The following PDS5B variants were observed in gnomAD, a reference collection of about 807,000 sequenced individuals.
The protein encoded by PDS5B is PDS5 cohesin associated factor B.
PDS5B carries 51 observed loss-of-function variants against 184.1 expected under a neutral mutation model. That is an observed-to-expected ratio of 0.28 (90% confidence interval 0.22 to 0.35). The LOEUF (loss-of-function observed/expected upper bound fraction) is 0.35, where lower values mean the gene tolerates loss of function less well. Ranked by LOEUF, PDS5B falls within the 10% of genes least tolerant of loss-of-function variation. PDS5B has a pLI of 1.00. For missense variants in PDS5B, 1,180 were observed against 1,723.3 expected, an observed-to-expected ratio of 0.68 and a Z score of 5.58; for synonymous variants, 566 against 569.2, an observed-to-expected ratio of 0.99 and a Z score of 0.08.
chr13:32,702,331 G>T lies in PDS5B; in HGVS notation c.1856+893G>T, dbSNP rs115966173. 6.2e-3 allele frequency among the ~76,000 whole-genome samples: 950 copies of T among 152,172 alleles called. 6 individuals are homozygous for T. The highest frequency in any genetic ancestry group is 0.022 in the African/African-American group (913 of 41,530). ...TTTCATTTGAAGAGGTAGTTCTGAGGTTTAAAAAGCAAGACAAGAAGTAGA... is the reference window on the plus strand; with the variant it reads ...TTTCATTTGAAGAGGTAGTTCTGAGTTTTAAAAAGCAAGACAAGAAGTAGA... On this transcript the variant is annotated intron_variant, in intron 17 of 34. Transcript: ENST00000315596.
At chr13:32,620,656 C>CAAAAA (rs376008300) in intron 1 of PDS5B, among the ~76,000 whole-genome samples, 1 of 92,370 alleles carries the variant, frequency 1.1e-5, no homozygotes, top group Non-Finnish European at 2.1e-5. Context: ...GACTCCGTCT[C>CAAAAA]AAAAAAAAAA....
At chr13:32,649,228 A>C in intron 2 of PDS5B, 1 of 177,926 alleles carries the variant, frequency 5.6e-6, no homozygotes. Context: ...TTAGGTCTTT[A>C]TACTGAGTAA....
At chr13:32,626,802 T>C (rs2140556449) in intron 1 of PDS5B, among the ~76,000 whole-genome samples, 1 of 152,374 alleles carries the variant, frequency 6.6e-6, no homozygotes, top group Admixed American at 6.5e-5. Flanking sequence ...AGTTCTGTTT[T>C]AGTTAGATAC....
At position 32,673,200 on chromosome 13, in the gene PDS5B, T is replaced by A; in HGVS notation, c.706-16T>A. 1 of 1,606,170 alleles carries A rather than the reference T, an allele frequency of 6.2e-7. No homozygotes were observed. Among genetic ancestry groups the A allele is most frequent in the Non-Finnish European group, 8.5e-7 (1 of 1,176,708 alleles). On this transcript the variant is annotated splice_polypyrimidine_tract_variant and intron_variant, in intron 7 of 34. Coordinates refer to ENST00000315596, the MANE Select transcript of PDS5B (RefSeq NM_015032.4). The stretch of plus-strand genomic sequence containing the variant: ...TGGTTTTTCTACTAATGATAGGCTT[T>A]CTTTCTCCTCAAAAGTTTTTTAATC...
chr13:32,761,737 T>C (rs1954407097), intron 30 of PDS5B, among the ~76,000 whole-genome samples: 1 of 152,238 alleles, frequency 6.6e-6, no homozygotes, highest in Non-Finnish European at 1.5e-5. Flanking sequence ...TCCATATCTT[T>C]GATATTGTGA....
Position 32,775,799 on chromosome 13 carries a change from T to C in PDS5B, c.*747T>C. On this transcript the variant is annotated 3_prime_UTR_variant, in exon 35 of 35. Transcript: ENST00000315596. ...AGAAGAAAGATTTAAAGTATTTTAA[T>C]TTTAAAGAGTGTGTTATAAAATAAT... 1 of 369,306 alleles carries C rather than the reference T, an allele frequency of 2.7e-6. No individual in the cohort carries two copies. Among genetic ancestry groups the C allele is most frequent in the South Asian group, 2.1e-5 (1 of 46,872 alleles). The allele number at this position is 369,306 out of a possible 1,614,324, so 22.9% of individuals were successfully genotyped here. A position where few individuals can be genotyped will look rare whatever the true frequency, so the allele number is the denominator to read the frequency against.
At position 32,775,736 on chromosome 13, in the gene PDS5B, C is replaced by T. The variant is rs566463168; in HGVS notation, c.*684C>T. On this transcript the variant is annotated 3_prime_UTR_variant, in exon 35 of 35. Transcript: ENST00000315596. ...CTTTACACCTCAGTATTGATTTGTC[C>T]CAGAATTTTCTGGCCTTTCATGGCA... 1.5e-4 allele frequency: 62 copies of T among 422,858 alleles called. No homozygotes were observed. Among genetic ancestry groups the T allele is most frequent in the South Asian group, 8.7e-4 (50 of 57,274 alleles). The allele number at this position is 422,858 out of a possible 1,614,324, so 26.2% of individuals were successfully genotyped here.
chr13:32,727,478 T>C (rs989602943), intron 19 of PDS5B, among the ~76,000 whole-genome samples: 10 of 152,140 alleles, frequency 6.6e-5, no homozygotes, highest in African/African-American at 2.4e-4. Flanking sequence ...TATTTCTTGA[T>C]GTATAGTTCT....
chr13:32,686,231 T>A (rs1951384830), intron 11 of PDS5B, among the ~76,000 whole-genome samples: 1 of 152,230 alleles, frequency 6.6e-6, no homozygotes, highest in Admixed American at 6.5e-5. Context: ...CCAGATGCAC[T>A]GTAACAAATA....
At chr13:32,697,284 T>A (rs1337121326) in intron 15 of PDS5B, among the ~76,000 whole-genome samples, 1 of 152,230 alleles carries the variant, frequency 6.6e-6, no homozygotes, top group African/African-American at 2.4e-5. Context: ...GTATTTCATT[T>A]AACAGTAAAT....
At chr13:32,673,172 C>T (rs1950980664) in intron 7 of PDS5B, 44 bp from the exon 8 acceptor site, 2 of 1,547,172 alleles carry the variant, frequency 1.3e-6, no homozygotes, top group Non-Finnish European at 8.8e-7. Context: ...TTCAACTTGT[C>T]TCTGGTTTTT....
chr13:32,695,285 A>G (rs1039581345), intron 14 of PDS5B, among the ~76,000 whole-genome samples: 16 of 152,000 alleles, frequency 1.1e-4, no homozygotes, highest in Admixed American at 8.5e-4. Flanking sequence ...TTTATTGAAC[A>G]TAACCTTTTT....
intron 12 of PDS5B, 39 bp from the exon 13 acceptor site, chr13:32,688,417 G>GA: frequency 1.9e-6 from 2 of 1,041,776 alleles, no homozygotes; most frequent in Non-Finnish European, 2.9e-6. Flanking sequence ...TAGAACATTA[G>GA]AAAAAAATCA....
intron 6 of PDS5B, among the ~76,000 whole-genome samples, chr13:32,662,897 A>G (rs1950685700): frequency 6.6e-6 from 1 of 152,154 alleles, no homozygotes; most frequent in African/African-American, 2.4e-5. Flanking sequence ...CAGTTTTAGA[A>G]TGAAATGAGA....
chr13:32,594,707 T>C (rs1238308160), intron 1 of PDS5B, among the ~76,000 whole-genome samples: 1 of 152,196 alleles, frequency 6.6e-6, no homozygotes, highest in Admixed American at 6.5e-5. Flanking sequence ...GTTTTTGTTT[T>C]TGTACCCTCA....
chr13:32,707,806 T>G (rs1952074465), intron 18 of PDS5B, among the ~76,000 whole-genome samples: 1 of 151,474 alleles, frequency 6.6e-6, no homozygotes, highest in Non-Finnish European at 1.5e-5. Flanking sequence ...TAATAAACAT[T>G]TTTGAAATGG....
intron 1 of PDS5B, among the ~76,000 whole-genome samples, chr13:32,618,517 G>A (rs1313990986): frequency 1.3e-5 from 2 of 150,008 alleles, no homozygotes; most frequent in African/African-American, 4.9e-5. Flanking sequence ...TTACTGTGTA[G>A]AAAAAAAAAA....
At chr13:32,717,132 C>T (rs1442021885) in intron 19 of PDS5B, among the ~76,000 whole-genome samples, 3 of 152,216 alleles carry the variant, frequency 2.0e-5, no homozygotes, top group East Asian at 1.9e-4. Flanking sequence ...TCTGCCCGGC[C>T]GCCCCTACTG....
rs2058503785 is a variant in PDS5B, at chr13:32,634,249, G to A, written c.-19-14505G>A. Among the ~76,000 whole-genome samples the A allele has an allele frequency of 2.0e-5, 3 of 152,274 alleles. No individual in the cohort carries two copies. The South Asian group carries it at 6.2e-4, about 32-fold the overall frequency. On this transcript the variant is annotated intron_variant, in intron 1 of 34. Coordinates refer to ENST00000315596, the MANE Select transcript of PDS5B (RefSeq NM_015032.4). Reference sequence around the variant, plus strand: ...AATGACAACTGCCTTATGTGATAATGACCAGACTCCTTATCAGAGACTTAA... The same window carrying A: ...AATGACAACTGCCTTATGTGATAATAACCAGACTCCTTATCAGAGACTTAA...
Sources: gnomAD v4.1 joint callset for allele counts (sites outside exome capture counted in the v4.1 genomes callset) on GRCh38, gnomAD v4.1.1 for gene constraint, MANE v1.5 for transcripts, NCBI Gene and HGNC (gene_info 2026-07-23, HGNC 2026-07-21) for gene names.